Variants in OSBPL10 observed in about 807,000 individuals in gnomAD.
OSBPL10 encodes the protein oxysterol-binding protein-related protein 10.
In OSBPL10, 49 loss-of-function variants were observed where a neutral mutation model predicts 81.7. The observed-to-expected ratio is 0.60, with a 90% CI of 0.48 to 0.76. The LOEUF is 0.76. Ranked by LOEUF, OSBPL10 falls within the 30% of genes least tolerant of loss-of-function variation. OSBPL10 has a pLI of 0.00. For synonymous variants in OSBPL10, 419 were observed against 383.6 expected (o/e 1.09, Z -1.08); for missense variants, 923 against 987.8 (o/e 0.93, Z 0.88).
intron 2 of OSBPL10, among the ~76,000 whole-genome samples, chr3:31,995,917 C>A (rs1699086727): frequency 6.6e-6 from 1 of 152,122 alleles, no homozygotes; most frequent in Non-Finnish European, 1.5e-5. Flanking sequence ...CATGACATCT[C>A]CCCTTCCTGA....
At chr3:31,663,957 A>T (rs1700123072) in intron 11 of OSBPL10, 122 bp downstream of exon 11, 1 of 1,607,018 alleles carries the variant, frequency 6.2e-7, no homozygotes, top group South Asian at 1.1e-5. Flanking sequence ...GAGCTGCCCT[A>T]GTCCATCCCT....
intron 1 of OSBPL10, among the ~76,000 whole-genome samples, chr3:31,969,048 A>C (rs1173863393): frequency 6.6e-6 from 1 of 152,206 alleles, no homozygotes; most frequent in Non-Finnish European, 1.5e-5. Flanking sequence ...ACACACACAA[A>C]AAAGTTCTGT....
chr3:31,766,321 G>GTTTTT (rs372182366), intron 4 of OSBPL10, among the ~76,000 whole-genome samples: 3 of 68,594 alleles, frequency 4.4e-5, no homozygotes, highest in African/African-American at 1.3e-4. Context: ...GCCCAATGTA[G>GTTTTT]TTTTTTTGTT....
chr3:31,928,384 A>T (rs940630499), intron 1 of OSBPL10, among the ~76,000 whole-genome samples: 2 of 152,206 alleles, frequency 1.3e-5, no homozygotes, highest in African/African-American at 4.8e-5. Context: ...TGCATGCTCC[A>T]AAACAGTAAT....
chr3:31,777,969 C>G (rs76351726), intron 4 of OSBPL10, among the ~76,000 whole-genome samples: 13,887 of 152,218 alleles, frequency 0.091, 863 homozygotes, highest in African/African-American at 0.19. Context: ...AAGAAGCTTC[C>G]AGCTGAACTT....
intron 1 of OSBPL10, among the ~76,000 whole-genome samples, chr3:31,930,425 A>G (rs1697207611): frequency 6.6e-6 from 1 of 152,190 alleles, no homozygotes; most frequent in Non-Finnish European, 1.5e-5. Flanking sequence ...AAAATTTAAA[A>G]ATGTACATAC....
chr3:32,069,845 C>T (rs780996542), intron 1 of OSBPL10, among the ~76,000 whole-genome samples: 1 of 152,212 alleles, frequency 6.6e-6, no homozygotes, highest in Non-Finnish European at 1.5e-5. Context: ...CCAGGGGCTC[C>T]TTCAAAACAT....
intron 4 of OSBPL10, among the ~76,000 whole-genome samples, chr3:31,812,399 CCTTT>C (rs1699703900): frequency 6.6e-6 from 1 of 152,142 alleles, no homozygotes; most frequent in African/African-American, 2.4e-5. Context: ...TTAAAGGGCA[CCTTT>C]CCCCACATCC....
chr3:31,826,716 C>T (rs1186173199), intron 4 of OSBPL10, among the ~76,000 whole-genome samples: 5 of 152,130 alleles, frequency 3.3e-5, no homozygotes, highest in Non-Finnish European at 7.3e-5. Flanking sequence ...AAAGCAGTGG[C>T]CTTTATGCTC....
At chr3:32,026,056 A>AT (rs1553649783) in intron 2 of OSBPL10, among the ~76,000 whole-genome samples, 1 of 104,310 alleles carries the variant, frequency 9.6e-6, no homozygotes, top group Non-Finnish European at 2.0e-5. Flanking sequence ...AGATAGATAG[A>AT]TGATAGATAG....
At chr3:31,819,348 G>A (rs1321185679) in intron 4 of OSBPL10, among the ~76,000 whole-genome samples, 3 of 152,126 alleles carry the variant, frequency 2.0e-5, no homozygotes, top group East Asian at 1.9e-4. Flanking sequence ...ACACTCTGCC[G>A]GGCACTTTTA....
chr3:31,669,417 AG>A (rs1700272515), intron 9 of OSBPL10, among the ~76,000 whole-genome samples: 1 of 152,196 alleles, frequency 6.6e-6, no homozygotes, highest in Admixed American at 6.5e-5. Flanking sequence ...TCCTTAAATC[AG>A]GTCTATTTTG....
At chr3:31,829,975 C>G (rs1700196526) in intron 4 of OSBPL10, 65 bp downstream of exon 4, 1 of 1,460,058 alleles carries the variant, frequency 6.8e-7, no homozygotes. Context: ...GAGGAGTCGG[C>G]AGAGCGACTG....
chr3:31,937,781 A>G (rs758668501), intron 1 of OSBPL10, among the ~76,000 whole-genome samples: 4 of 152,090 alleles, frequency 2.6e-5, no homozygotes, highest in Non-Finnish European at 5.9e-5. Context: ...TTATTGCCCA[A>G]AGCTGTTTCC....
chr3:31,668,760 T>A lies in OSBPL10; in HGVS notation c.1978A>T (p.Asn660Tyr), dbSNP rs1302049965. The A allele has an allele frequency of 6.2e-7, 1 of 1,614,044 alleles. No homozygotes were observed. The highest frequency in any genetic ancestry group is 2.2e-5 in the East Asian group (1 of 44,900). ...TTGTAGGTGAACTCTAAAGTACCAT[T>A]CCATTCCCCATGGGCTTTACAAACA... is the stretch of plus-strand genomic sequence containing the variant. ...TIVCKAHGEW[N>Y]GTLEFTYNNG... is the part of the protein sequence containing the mutation. Residue 660 changes from asparagine to tyrosine, a missense_variant, in exon 10 of 12, where the codon AAT (asparagine) becomes TAT (tyrosine). By Grantham distance (143) the Asn-to-Tyr change is moderately radical (BLOSUM62 -2). Around this residue, in one of 3 missense-constraint regions of OSBPL10, gnomAD observed 387 missense variants for 436.3 expected, o/e 0.89. Coordinates refer to ENST00000396556, the MANE Select transcript of OSBPL10 (RefSeq NM_017784.5).
At chr3:31,957,046 G>A (rs1698029672) in intron 1 of OSBPL10, among the ~76,000 whole-genome samples, 1 of 151,502 alleles carries the variant, frequency 6.6e-6, no homozygotes, top group Non-Finnish European at 1.5e-5. Flanking sequence ...GAAGTGGGAG[G>A]ATCACCTGAG....
chr3:32,053,756 G>A (rs1231279738), intron 1 of OSBPL10, among the ~76,000 whole-genome samples: 17 of 151,944 alleles, frequency 1.1e-4, no homozygotes, highest in African/African-American at 3.4e-4. Context: ...GGTGGATCAC[G>A]GGAGGTCAGG....
At chr3:31,685,517 C>T (rs1700769260) in intron 7 of OSBPL10, among the ~76,000 whole-genome samples, 1 of 152,180 alleles carries the variant, frequency 6.6e-6, no homozygotes, top group South Asian at 2.1e-4. Flanking sequence ...CACAGCCAGC[C>T]TTAACCCAGA....
intron 1 of OSBPL10, among the ~76,000 whole-genome samples, chr3:31,968,994 T>C (rs1404318218): frequency 6.6e-6 from 1 of 152,180 alleles, no homozygotes; most frequent in Non-Finnish European, 1.5e-5. Flanking sequence ...TTTTGTTCTG[T>C]TAAACTTTTT....
Sources: allele counts gnomAD v4.1 joint callset (sites outside exome capture counted in the v4.1 genomes callset), GRCh38; gene constraint gnomAD v4.1.1; regional missense constraint gnomAD v4.1.1; transcripts MANE v1.5; gene names NCBI Gene and HGNC (gene_info 2026-07-23, HGNC 2026-07-21).